Variants in FSTL5 observed in about 807,000 individuals in gnomAD.
FSTL5 encodes the protein follistatin-related protein 5.
A neutral mutation model predicts 89.1 loss-of-function variants in FSTL5; 62 were observed. The ratio of observed to expected loss-of-function variants is 0.70; its 90% CI spans 0.57 to 0.86. The LOEUF (loss-of-function observed/expected upper bound fraction) is 0.86. Ranked by LOEUF, FSTL5 falls within the 40% of genes least tolerant of loss-of-function variation. The pLI is 0.00. For synonymous variants in FSTL5, 383 were observed against 346.2 expected (o/e 1.11, Z -1.18); for missense variants, 1,057 against 1,001.6 (o/e 1.06, Z -0.75).
chr4:161,780,411 C>A (rs547989536), intron 4 of FSTL5, among the ~76,000 whole-genome samples: 1 of 152,180 alleles, frequency 6.6e-6, no homozygotes, highest in African/African-American at 2.4e-5. Flanking sequence ...ATTGGCATAG[C>A]TAAAGAAAAG....
intron 4 of FSTL5, among the ~76,000 whole-genome samples, chr4:161,826,640 T>C (rs1730678475): frequency 6.6e-6 from 1 of 152,214 alleles, no homozygotes; most frequent in Admixed American, 6.5e-5. Context: ...TATCATTATG[T>C]AATGCCTTTC....
chr4:161,851,540 C>T (rs539774935), intron 4 of FSTL5, among the ~76,000 whole-genome samples: 1 of 152,042 alleles, frequency 6.6e-6, no homozygotes, highest in East Asian at 1.9e-4. Flanking sequence ...TAAATATATG[C>T]ACATATGTAT....
In FSTL5 at chr4:161,587,431, AG is replaced by A. The variant is rs767215094; in HGVS notation, c.1015+23del. 2.5e-6 allele frequency: 4 copies of A among 1,610,976 alleles called. No homozygotes were observed. The South Asian group carries it at 3.3e-5, about 13-fold the overall frequency. On this transcript the variant is annotated intron_variant, in intron 8 of 15. Transcript: ENST00000306100. Reference sequence around the variant, plus strand: ...AAACTATGGTGTTCTTTGAATAGTTAGGGTAACAAAAATCACTTCTTACCAT... The same window carrying A: ...AAACTATGGTGTTCTTTGAATAGTTAGGTAACAAAAATCACTTCTTACCAT...
At chr4:161,408,092 A>T (rs17338054) in intron 15 of FSTL5, among the ~76,000 whole-genome samples, 1 of 152,062 alleles carries the variant, frequency 6.6e-6, no homozygotes, top group South Asian at 2.1e-4. Context: ...CTGTCCCTCC[A>T]TCCGCAGGGT....
intron 10 of FSTL5, among the ~76,000 whole-genome samples, chr4:161,532,096 T>G (rs1419519693): frequency 1.3e-5 from 2 of 151,722 alleles, no homozygotes; most frequent in Non-Finnish European, 2.9e-5. Flanking sequence ...TCCCAGCTAC[T>G]TGGGAGGCTG....
chr4:161,664,741 G>A (rs1441718522), intron 6 of FSTL5: 1 of 153,968 alleles, frequency 6.5e-6, no homozygotes, highest in African/African-American at 2.4e-5. Flanking sequence ...CCAATTTACT[G>A]TATTAGTTAG....
chr4:161,958,011 T>C (rs929866589), intron 3 of FSTL5, among the ~76,000 whole-genome samples: 2 of 152,090 alleles, frequency 1.3e-5, no homozygotes, highest in Non-Finnish European at 2.9e-5. Flanking sequence ...CACAACTCAC[T>C]GATACTATTT....
intron 6 of FSTL5, among the ~76,000 whole-genome samples, chr4:161,672,518 A>T (rs961788398): frequency 6.6e-6 from 1 of 152,066 alleles, no homozygotes; most frequent in Non-Finnish European, 1.5e-5. Flanking sequence ...TCCAACATTC[A>T]TTTCATTCAT....
chr4:161,799,126 T>A (rs1282628619), intron 4 of FSTL5, among the ~76,000 whole-genome samples: 1 of 151,770 alleles, frequency 6.6e-6, no homozygotes, highest in African/African-American at 2.4e-5. Context: ...GAGGAGTCAT[T>A]TGATCTTTCC....
chr4:162,070,324 A>G (rs891970917), intron 2 of FSTL5, among the ~76,000 whole-genome samples: 6 of 151,784 alleles, frequency 4.0e-5, no homozygotes, highest in Admixed American at 3.3e-4. Flanking sequence ...TTATCTACTT[A>G]ATCATTTCAT....
At chr4:161,784,895 A>ACAAAAACAAAAACAAAAAC (rs1741833503) in intron 4 of FSTL5, among the ~76,000 whole-genome samples, 1 of 141,964 alleles carries the variant, frequency 7.0e-6, no homozygotes, top group African/African-American at 2.7e-5. Flanking sequence ...TCCGTCTCAA[A>ACAAAAACAAAAACAAAAAC]AAAAACAAAA....
chr4:161,924,760 C>G (rs1328023866), intron 3 of FSTL5, among the ~76,000 whole-genome samples: 1 of 151,660 alleles, frequency 6.6e-6, no homozygotes, highest in East Asian at 1.9e-4. Context: ...GAGACAGAAG[C>G]AGGATTTAAA....
At chr4:162,045,470 A>T (rs186981950) in intron 2 of FSTL5, among the ~76,000 whole-genome samples, 1 of 152,226 alleles carries the variant, frequency 6.6e-6, no homozygotes, top group Non-Finnish European at 1.5e-5. Flanking sequence ...TCAAAATACC[A>T]CATGTACCCC....
chr4:161,748,840 A>ATACATTT (rs1418255937), intron 6 of FSTL5, among the ~76,000 whole-genome samples: 5 of 152,224 alleles, frequency 3.3e-5, no homozygotes, highest in Admixed American at 2.0e-4. Flanking sequence ...GTGGCATTAA[A>ATACATTT]TACATTTTAT....
At chr4:161,698,247 A>G (rs1311450423) in intron 6 of FSTL5, among the ~76,000 whole-genome samples, 2 of 152,182 alleles carry the variant, frequency 1.3e-5, no homozygotes, top group Non-Finnish European at 2.9e-5. Context: ...TAGGACTTCT[A>G]TCCTCCAGAA....
chr4:162,030,227 T>C (rs917381455), intron 3 of FSTL5, among the ~76,000 whole-genome samples: 3 of 152,222 alleles, frequency 2.0e-5, no homozygotes, highest in Middle Eastern at 3.4e-3. Context: ...GTCTGAATTA[T>C]ATACTTTGGA....
intron 2 of FSTL5, among the ~76,000 whole-genome samples, chr4:162,046,637 C>A (rs937904590): frequency 6.6e-6 from 1 of 151,404 alleles, no homozygotes; most frequent in African/African-American, 2.4e-5. Context: ...AATAAACATG[C>A]CAATTATTAT....
intron 2 of FSTL5, among the ~76,000 whole-genome samples, chr4:162,036,136 C>A (rs555171286): frequency 6.6e-6 from 1 of 152,172 alleles, no homozygotes. Context: ...AGCCTTAAGT[C>A]TCGTTCTATT....
At chr4:161,790,642 G>A (rs1729437645) in intron 4 of FSTL5, among the ~76,000 whole-genome samples, 1 of 152,066 alleles carries the variant, frequency 6.6e-6, no homozygotes, top group Non-Finnish European at 1.5e-5. Flanking sequence ...AATGTAAAGA[G>A]GTCAGCTAAT....
Sources: gnomAD v4.1 joint callset for allele counts (sites outside exome capture counted in the v4.1 genomes callset) on GRCh38, gnomAD v4.1.1 for gene constraint, MANE v1.5 for transcripts, NCBI Gene and HGNC (gene_info 2026-07-23, HGNC 2026-07-21) for gene names.